Variants in RNF152 observed in about 807,000 individuals in gnomAD.
The protein encoded by RNF152 is E3 ubiquitin-protein ligase RNF152.
In RNF152, 11 loss-of-function variants were observed where a neutral mutation model predicts 12.7. The ratio of observed to expected loss-of-function variants is 0.86; its 90% CI spans 0.54 to 1.43. RNF152 has a LOEUF of 1.43. RNF152 is among the 40% of genes most tolerant of loss of function. The pLI, the probability that RNF152 is intolerant of heterozygous loss-of-function variation, is 0.00. For missense variants in RNF152, 255 were observed against 274.8 expected (o/e 0.93, Z 0.51); for synonymous variants, 113 against 120.3 (o/e 0.94, Z 0.40).
In RNF152 at chr18:61,808,797, T is replaced by C. The variant is rs1417551206; in HGVS notation, c.*7055A>G. 1 of 152,232 alleles carries C rather than the reference T, an allele frequency of 6.6e-6. No homozygotes were observed. Among genetic ancestry groups the C allele is most frequent in the Non-Finnish European group, 1.5e-5 (1 of 68,050 alleles). 9.4% of individuals were successfully genotyped at this position (152,232 alleles called of 1,614,324 possible). Reference sequence around the variant, plus strand: ...CCACAGGAACAGGCCTTGCATTCCATGGTTAAGAGGATTCTAGAGTCTGTC... The same window carrying C: ...CCACAGGAACAGGCCTTGCATTCCACGGTTAAGAGGATTCTAGAGTCTGTC... On this transcript the variant is annotated 3_prime_UTR_variant, in exon 2 of 2. Transcript: ENST00000312828.
At chr18:61,821,206 A>G (rs1032577742) in intron 1 of RNF152, among the ~76,000 whole-genome samples, 5 of 152,202 alleles carry the variant, frequency 3.3e-5, no homozygotes. Flanking sequence ...ATGCAATTTT[A>G]TTCATGAATT....
At chr18:61,846,098 A>G (rs1910733440) in intron 1 of RNF152, among the ~76,000 whole-genome samples, 1 of 152,182 alleles carries the variant, frequency 6.6e-6, no homozygotes, top group Non-Finnish European at 1.5e-5. Context: ...TGGACTTCCC[A>G]GCCTCCAGAA....
chr18:61,869,422 C>A (rs760563089), intron 1 of RNF152, among the ~76,000 whole-genome samples: 22 of 152,162 alleles, frequency 1.4e-4, no homozygotes, highest in East Asian at 3.9e-4. Context: ...CTGCACCTGA[C>A]AAGAGATTCT....
intron 1 of RNF152, among the ~76,000 whole-genome samples, chr18:61,829,617 A>T (rs1280442273): frequency 6.6e-6 from 1 of 151,410 alleles, no homozygotes; most frequent in Non-Finnish European, 1.5e-5. Flanking sequence ...AGAGAGAGAC[A>T]TCCTAGGGCG....
intron 1 of RNF152, among the ~76,000 whole-genome samples, chr18:61,889,242 A>G (rs1445571600): frequency 1.3e-5 from 2 of 152,220 alleles, no homozygotes; most frequent in Non-Finnish European, 2.9e-5. Context: ...GGAGACTAAC[A>G]TAGTTTACCA....
At chr18:61,835,922 C>T (rs1300691988) in intron 1 of RNF152, among the ~76,000 whole-genome samples, 1 of 152,140 alleles carries the variant, frequency 6.6e-6, no homozygotes, top group Non-Finnish European at 1.5e-5. Flanking sequence ...GGCTTTCTCA[C>T]TGTGGAAGGA....
chr18:61,816,014 C>T lies in RNF152; in HGVS notation c.450G>A (p.Ala150=), dbSNP rs140397049. The change falls in exon 2 of 2, where the codon GCG becomes GCA. Residue 150 remains alanine (A), a synonymous_variant. Transcript: ENST00000312828. ...CCCGCCTGTCCTGCTCCTCCTCCAC[C>T]GCCTCCTGGGGAGCCCCACCTTGCA... ...QPLQGGAPQE[A]VEEEQDRRGV... The T allele has an allele frequency of 4.9e-5, 79 of 1,614,102 alleles. No homozygotes were observed. In the Admixed American group the frequency reaches 5.3e-4, roughly 11 times the overall value.
chr18:61,841,926 A>G (rs1416319491), intron 1 of RNF152, among the ~76,000 whole-genome samples: 11 of 152,238 alleles, frequency 7.2e-5, no homozygotes, highest in African/African-American at 2.7e-4. Context: ...CCACTGTAAC[A>G]GAAAGCAGCC....
chr18:61,850,374 T>A (rs1464979178), intron 1 of RNF152, among the ~76,000 whole-genome samples: 1 of 152,270 alleles, frequency 6.6e-6, no homozygotes, highest in African/African-American at 2.4e-5. Context: ...CCTCTCATTT[T>A]TCATATGTGG....
In RNF152 at chr18:61,842,129, C is replaced by T. The variant is rs554371425; in HGVS notation, c.-135-25531G>A. ...TATTAAGGGTTCACATGTATTTTTA[C>T]CACAAGTTGATCATATTCACTTTGT... On this transcript the variant is annotated intron_variant, in intron 1 of 1. Transcript: ENST00000312828. Among the ~76,000 whole-genome samples the T allele has an allele frequency of 4.7e-4, 71 of 152,338 alleles. 1 individual carries two copies. The highest frequency in any genetic ancestry group is 1.5e-3 in the African/African-American group (64 of 41,586).
chr18:61,857,330 C>A (rs1349697257), intron 1 of RNF152, among the ~76,000 whole-genome samples: 1 of 152,222 alleles, frequency 6.6e-6, no homozygotes, highest in African/African-American at 2.4e-5. Context: ...CTGGAAACCA[C>A]ACACTATGTC....
At chr18:61,848,445 T>C (rs923340522) in intron 1 of RNF152, among the ~76,000 whole-genome samples, 13 of 152,308 alleles carry the variant, frequency 8.5e-5, no homozygotes, top group Non-Finnish European at 1.9e-4. Context: ...ACCACCCTGC[T>C]ACCATCACCT....
intron 1 of RNF152, among the ~76,000 whole-genome samples, chr18:61,885,288 A>G (rs1392832917): frequency 6.7e-6 from 1 of 148,460 alleles, no homozygotes; most frequent in Non-Finnish European, 1.5e-5. Context: ...AGCCCTATTC[A>G]CTACCTTTCA....
chr18:61,874,244 A>G (rs923132517), intron 1 of RNF152, among the ~76,000 whole-genome samples: 6 of 152,256 alleles, frequency 3.9e-5, no homozygotes, highest in Non-Finnish European at 5.9e-5. Flanking sequence ...TTAACAGCGC[A>G]TGAACTGACC....
intron 1 of RNF152, among the ~76,000 whole-genome samples, chr18:61,885,614 G>A (rs750457629): frequency 5.4e-4 from 82 of 152,202 alleles, no homozygotes; most frequent in African/African-American, 1.8e-3. Flanking sequence ...AGCCGAGAGC[G>A]TTATTTTAAT....
At chr18:61,841,705 G>A (rs1207734273) in intron 1 of RNF152, among the ~76,000 whole-genome samples, 2 of 152,220 alleles carry the variant, frequency 1.3e-5, no homozygotes, top group African/African-American at 4.8e-5. Context: ...ATTTCATGGA[G>A]TGCAATCACT....
chr18:61,846,331 AAC>A (rs1910743729), intron 1 of RNF152, among the ~76,000 whole-genome samples: 1 of 152,166 alleles, frequency 6.6e-6, no homozygotes, highest in Non-Finnish European at 1.5e-5. Context: ...TCAAAGGTAC[AAC>A]AGTCTCTTAT....
At chr18:61,855,251 G>C (rs779818259) in intron 1 of RNF152, among the ~76,000 whole-genome samples, 3 of 152,258 alleles carry the variant, frequency 2.0e-5, no homozygotes, top group Non-Finnish European at 4.4e-5. Flanking sequence ...GTCATTGTAA[G>C]AGAATTCTGG....
intron 1 of RNF152, among the ~76,000 whole-genome samples, chr18:61,858,848 A>G (rs968458354): frequency 7.9e-5 from 12 of 152,228 alleles, no homozygotes; most frequent in Admixed American, 2.6e-4. Context: ...ACAAAAACAG[A>G]GATCCCGTTT....
Sources: gnomAD v4.1 joint callset for allele counts (sites outside exome capture counted in the v4.1 genomes callset) on GRCh38, gnomAD v4.1.1 for gene constraint, MANE v1.5 for transcripts, NCBI Gene and HGNC (gene_info 2026-07-23, HGNC 2026-07-21) for gene names.